Variants in NTPCR observed in about 807,000 individuals in gnomAD.
NTPCR encodes nucleoside-triphosphatase, cancer-related.
In NTPCR, 15 loss-of-function variants were observed where a neutral mutation model predicts 19.5. That is an observed-to-expected ratio of 0.77 (90% CI 0.51 to 1.18). The LOEUF is 1.18. NTPCR is among the 50% of genes most tolerant of loss of function. The probability of loss-of-function intolerance (pLI) is 0.00; values close to 1 mark genes in which losing one functional copy is unlikely to be tolerated. For synonymous variants in NTPCR, 90 were observed against 95.8 expected, an observed-to-expected ratio of 0.94 and a Z score of 0.36; for missense variants, 206 against 240.4, an observed-to-expected ratio of 0.86 and a Z score of 0.95.
intron 4 of NTPCR, among the ~76,000 whole-genome samples, chr1:232,974,547 A>G (rs188733519): frequency 1.3e-4 from 20 of 152,380 alleles, no homozygotes; most frequent in Admixed American, 1.2e-3. Flanking sequence ...CTGAAAAAAG[A>G]AAAGAAAGAA....
At chr1:232,966,715 T>C (rs1668827105) in intron 3 of NTPCR, 2 of 152,158 alleles carry the variant, frequency 1.3e-5, no homozygotes, top group Admixed American at 6.5e-5. Context: ...AAATATCTTC[T>C]CTCCCGGAAC....
At chr1:232,975,405 G>A (rs922712776) in intron 4 of NTPCR, among the ~76,000 whole-genome samples, 6 of 152,204 alleles carry the variant, frequency 3.9e-5, no homozygotes, top group African/African-American at 7.2e-5. Context: ...CACAGATGCA[G>A]TACCAGATAC....
intron 4 of NTPCR, among the ~76,000 whole-genome samples, chr1:232,971,996 T>TA (rs1244772661): frequency 6.6e-6 from 1 of 151,956 alleles, no homozygotes; most frequent in Non-Finnish European, 1.5e-5. Flanking sequence ...TTGCTAGTGT[T>TA]AGACTCCAGG....
At chr1:232,969,508 G>A (rs1288171922) in intron 3 of NTPCR, 1 of 201,818 alleles carries the variant, frequency 5.0e-6, no homozygotes, top group Non-Finnish European at 1.0e-5. Context: ...TCATGATCTG[G>A]TCCATAAGCG....
intron 3 of NTPCR, 40 bp from the exon 4 acceptor site, chr1:232,969,869 G>A (rs1668923858): frequency 1.3e-6 from 2 of 1,548,858 alleles, no homozygotes; most frequent in Non-Finnish European, 1.8e-6. Flanking sequence ...TTTGATTAAT[G>A]TGACTCTGAT....
chr1:232,958,934 T>A (rs916699828), intron 3 of NTPCR, among the ~76,000 whole-genome samples: 1 of 152,136 alleles, frequency 6.6e-6, no homozygotes, highest in Non-Finnish European at 1.5e-5. Flanking sequence ...AGATGCAAGA[T>A]TATATAAGAG....
rs1435688141 is a variant in NTPCR at position 232,983,370 on chromosome 1, A to G, written c.*5139A>G. 6.6e-6 allele frequency: 1 copy of G among 152,220 alleles called. No individual in the cohort carries two copies. The highest frequency in any genetic ancestry group is 1.5e-5 in the Non-Finnish European group (1 of 68,028). 9.4% of individuals were successfully genotyped at this position (152,220 alleles called of 1,614,324 possible). On this transcript the variant is annotated 3_prime_UTR_variant, in exon 5 of 5. Transcript: ENST00000366628. ...CAGAATTTACCCAAATGTCGTTCTCACCATAAAAGATATACTTGTAGAAAT... is the reference window on the plus strand; with the variant it reads ...CAGAATTTACCCAAATGTCGTTCTCGCCATAAAAGATATACTTGTAGAAAT...
chr1:232,959,462 C>T (rs1370065006), intron 3 of NTPCR, among the ~76,000 whole-genome samples: 2 of 152,090 alleles, frequency 1.3e-5, no homozygotes, highest in African/African-American at 4.8e-5. Context: ...CTCACCCAGT[C>T]AGGGTCATGG....
At chr1:232,954,644 A>G (rs1668463112) in intron 1 of NTPCR, among the ~76,000 whole-genome samples, 1 of 152,196 alleles carries the variant, frequency 6.6e-6, no homozygotes, top group Non-Finnish European at 1.5e-5. Context: ...CAGTTTCTCC[A>G]TCTGTAAAAT....
At chr1:232,952,689 C>G (rs1341115236) in intron 1 of NTPCR, among the ~76,000 whole-genome samples, 1 of 143,960 alleles carries the variant, frequency 6.9e-6, no homozygotes, top group Non-Finnish European at 1.5e-5. Context: ...TTTTTTTTTT[C>G]CTTTTACACA....
At chr1:232,956,044 A>G (rs1178701184) in intron 2 of NTPCR, among the ~76,000 whole-genome samples, 5 of 152,250 alleles carry the variant, frequency 3.3e-5, no homozygotes, top group Admixed American at 3.3e-4. Context: ...CTCACTTTAT[A>G]ATTCTTAGTC....
chr1:232,973,923 A>G (rs555149285), intron 4 of NTPCR, among the ~76,000 whole-genome samples: 1 of 152,350 alleles, frequency 6.6e-6, no homozygotes, highest in East Asian at 1.9e-4. Flanking sequence ...AGTTTCTGGG[A>G]CCTGTGGGAC....
chr1:232,971,634 C>T (rs960481600), intron 4 of NTPCR, among the ~76,000 whole-genome samples: 6 of 152,188 alleles, frequency 3.9e-5, no homozygotes, highest in East Asian at 1.9e-4. Flanking sequence ...CTGACCAAGG[C>T]GCTGCTTTCA....
intron 1 of NTPCR, among the ~76,000 whole-genome samples, chr1:232,953,364 T>TG (rs796562253): frequency 4.8e-4 from 73 of 152,314 alleles, no homozygotes; most frequent in African/African-American, 1.7e-3. Context: ...CAGACAGCAT[T>TG]GGGGTAGCAG....
chr1:232,976,301 G>C, intron 4 of NTPCR: 2 of 1,439,598 alleles, frequency 1.4e-6, no homozygotes, highest in South Asian at 1.5e-5. Context: ...TTCTCTTCTA[G>C]CTATCTTGAA....
intron 3 of NTPCR, chr1:232,963,199 A>G (rs543119822): frequency 6.6e-6 from 1 of 152,354 alleles, no homozygotes; most frequent in East Asian, 1.9e-4. Context: ...TTAAACTGTC[A>G]GTAAGGACAT....
intron 3 of NTPCR, among the ~76,000 whole-genome samples, chr1:232,959,948 T>A (rs924434325): frequency 3.3e-5 from 5 of 151,986 alleles, no homozygotes; most frequent in Non-Finnish European, 5.9e-5. Context: ...CAGCGGCTCA[T>A]GTCTGTAACC....
rs898441174 is a variant in NTPCR at position 232,983,342 on chromosome 1, T to G, written c.*5111T>G. ...GGGGTCTTGAAGATGGGAAAAGTTG[T>G]CTCAGAATTTACCCAAATGTCGTTC... On this transcript the variant is annotated 3_prime_UTR_variant, in exon 5 of 5. Coordinates refer to ENST00000366628, the MANE Select transcript of NTPCR (RefSeq NM_032324.3). The G allele has an allele frequency of 6.6e-6, 1 of 152,210 alleles. No individual in the cohort carries two copies. Among genetic ancestry groups the G allele is most frequent in the Non-Finnish European group, 1.5e-5 (1 of 68,042 alleles). The allele number at this position is 152,210 out of a possible 1,614,324, so 9.4% of individuals were successfully genotyped here.
At chr1:232,969,761 T>C in intron 3 of NTPCR, 148 bp from the exon 4 acceptor site, 1 of 626,336 alleles carries the variant, frequency 1.6e-6, no homozygotes, top group Non-Finnish European at 2.8e-6. Context: ...GTACCAGCGG[T>C]GGTCTGTGGG....
Sources: gnomAD v4.1 joint callset for allele counts (sites outside exome capture counted in the v4.1 genomes callset) on GRCh38, gnomAD v4.1.1 for gene constraint, MANE v1.5 for transcripts, NCBI Gene and HGNC (gene_info 2026-07-23, HGNC 2026-07-21) for gene names.